The following GUCY1A2 variants were observed in gnomAD, a reference collection of about 807,000 sequenced individuals.
GUCY1A2 encodes the protein guanylate cyclase soluble subunit alpha-2.
In GUCY1A2, 27 loss-of-function variants were observed where a neutral mutation model predicts 63.5. The ratio of observed to expected loss-of-function variants is 0.43; its 90% confidence interval spans 0.31 to 0.59. The LOEUF (loss-of-function observed/expected upper bound fraction) is 0.59. GUCY1A2 is among the 20% of genes least tolerant of loss of function. The pLI is 0.11. For missense variants in GUCY1A2, 768 were observed against 913.3 expected (o/e 0.84, Z 2.05); for synonymous variants, 364 against 343.5 (o/e 1.06, Z -0.66).
At chr11:106,985,093 A>G (rs1192897492) in intron 2 of GUCY1A2, among the ~76,000 whole-genome samples, 1 of 152,218 alleles carries the variant, frequency 6.6e-6, no homozygotes, top group Non-Finnish European at 1.5e-5. Flanking sequence ...ACTATACCGT[A>G]ATAATCAAAA....
chr11:106,779,031 G>C (rs984868628), intron 5 of GUCY1A2, among the ~76,000 whole-genome samples: 4 of 152,020 alleles, frequency 2.6e-5, no homozygotes, highest in African/African-American at 7.3e-5. Flanking sequence ...ATATTAAAAA[G>C]ATATACTGCA....
chr11:106,803,311 T>A (rs10890594), intron 5 of GUCY1A2, among the ~76,000 whole-genome samples: 35,559 of 152,056 alleles, frequency 0.23, 4,543 homozygotes, highest in Non-Finnish European at 0.3. Flanking sequence ...TCTTTAAGAA[T>A]CTTTGAGGCC....
intron 5 of GUCY1A2, among the ~76,000 whole-genome samples, chr11:106,798,693 G>A (rs1370022227): frequency 2.0e-5 from 3 of 152,028 alleles, no homozygotes; most frequent in African/African-American, 7.3e-5. Flanking sequence ...ATGCAGAAAA[G>A]GCCTTTGACA....
At chr11:106,746,698 A>T (rs1863794033) in intron 6 of GUCY1A2, 15 of 983,460 alleles carry the variant, frequency 1.5e-5, no homozygotes, top group Admixed American at 6.4e-5. Flanking sequence ...ATAAAAAATC[A>T]GTACTGTGAC....
chr11:106,976,889 G>A (rs900620590), intron 3 of GUCY1A2, among the ~76,000 whole-genome samples: 16 of 152,068 alleles, frequency 1.1e-4, no homozygotes, highest in Non-Finnish European at 1.9e-4. Flanking sequence ...GGCAACCTTC[G>A]AAGGGCAACT....
Position 106,731,316 on chromosome 11 carries a change from G to T in GUCY1A2, c.1837-22650C>A, listed in dbSNP as rs905174140. Among the ~76,000 whole-genome samples the T allele has an allele frequency of 2.0e-5, 3 of 152,058 alleles. No individual in the cohort carries two copies. The East Asian group carries it at 5.8e-4, about 29-fold the overall frequency. On this transcript the variant is annotated intron_variant, in intron 6 of 7. Coordinates refer to ENST00000526355, the MANE Select transcript of GUCY1A2 (RefSeq NM_000855.3). ...GGTTAACTCAAAAGATGCAGAAAAG[G>T]CTTTTGATAAAATTCAACATCCTTT...
intron 1 of GUCY1A2, among the ~76,000 whole-genome samples, chr11:106,994,683 C>G (rs1861512728): frequency 6.6e-6 from 1 of 152,168 alleles, no homozygotes; most frequent in South Asian, 2.1e-4. Flanking sequence ...AGCTACAGAA[C>G]TGGAAAGGAA....
chr11:106,688,501 C>A (rs1591230504), intron 7 of GUCY1A2, among the ~76,000 whole-genome samples: 1 of 152,252 alleles, frequency 6.6e-6, no homozygotes, highest in Admixed American at 6.5e-5. Flanking sequence ...TTCAACAGCT[C>A]TTGATAGACT....
chr11:106,806,610 C>T (rs1003280905), intron 5 of GUCY1A2, among the ~76,000 whole-genome samples: 5 of 152,094 alleles, frequency 3.3e-5, no homozygotes, highest in South Asian at 4.1e-4. Flanking sequence ...CAAAATATTA[C>T]GTATGTTGTT....
intron 6 of GUCY1A2, among the ~76,000 whole-genome samples, chr11:106,710,906 A>T (rs1309921168): frequency 6.6e-6 from 1 of 152,016 alleles, no homozygotes; most frequent in Non-Finnish European, 1.5e-5. Flanking sequence ...GTTGTAAGGA[A>T]AAAAGTCAGT....
intron 3 of GUCY1A2, among the ~76,000 whole-genome samples, chr11:106,946,888 TTATA>T (rs1439019088): frequency 2.0e-5 from 3 of 152,112 alleles, no homozygotes; most frequent in South Asian, 2.1e-4. Flanking sequence ...CAATAAAGCA[TTATA>T]TAGTTTCAAA....
intron 4 of GUCY1A2, among the ~76,000 whole-genome samples, chr11:106,893,048 G>A (rs1414412272): frequency 6.6e-6 from 1 of 152,142 alleles, no homozygotes; most frequent in African/African-American, 2.4e-5. Context: ...AAGGAAAGAT[G>A]TTCACATAGG....
chr11:106,865,592 T>C (rs1014967957), intron 4 of GUCY1A2, among the ~76,000 whole-genome samples: 5 of 151,300 alleles, frequency 3.3e-5, no homozygotes, highest in South Asian at 2.1e-4. Context: ...TAAGTGGGAG[T>C]TGAACAATAA....
intron 4 of GUCY1A2, among the ~76,000 whole-genome samples, chr11:106,863,335 C>A (rs1234446212): frequency 6.6e-6 from 1 of 152,036 alleles, no homozygotes; most frequent in Non-Finnish European, 1.5e-5. Context: ...AGGAAGGGGT[C>A]CAGTTTCAGT....
chr11:106,977,977 A>T (rs1029655699), intron 3 of GUCY1A2, among the ~76,000 whole-genome samples: 3 of 152,202 alleles, frequency 2.0e-5, no homozygotes, highest in Non-Finnish European at 4.4e-5. Flanking sequence ...CTCACACACC[A>T]AGAACGTCAG....
intron 4 of GUCY1A2, among the ~76,000 whole-genome samples, chr11:106,819,248 A>G (rs958552731): frequency 3.3e-5 from 5 of 152,190 alleles, no homozygotes; most frequent in African/African-American, 1.2e-4. Context: ...CACTGTTGAA[A>G]TGACAACAAA....
At chr11:106,991,558 T>C (rs1046334131) in intron 1 of GUCY1A2, among the ~76,000 whole-genome samples, 3 of 152,104 alleles carry the variant, frequency 2.0e-5, no homozygotes, top group Admixed American at 6.6e-5. Context: ...ATAAATATGA[T>C]GAAAAAGACA....
At chr11:106,707,509 G>A (rs187522414) in intron 7 of GUCY1A2, among the ~76,000 whole-genome samples, 18 of 152,044 alleles carry the variant, frequency 1.2e-4, no homozygotes, top group Admixed American at 3.3e-4. Context: ...GTACAGTAAT[G>A]CCCAGAATAA....
chr11:106,999,773 A>C (rs1861589206), intron 1 of GUCY1A2, among the ~76,000 whole-genome samples: 1 of 152,188 alleles, frequency 6.6e-6, no homozygotes, highest in Non-Finnish European at 1.5e-5. Context: ...TATAGTTGCC[A>C]TTAGCACCAT....
Sources: gnomAD v4.1 joint callset for allele counts (sites outside exome capture counted in the v4.1 genomes callset) on GRCh38, gnomAD v4.1.1 for gene constraint, MANE v1.5 for transcripts, NCBI Gene and HGNC (gene_info 2026-07-23, HGNC 2026-07-21) for gene names.